Variants in TCF4 observed in about 807,000 individuals in gnomAD.
The protein encoded by TCF4 is SL3-3 enhancer factor 2.
Under a neutral mutation model 82.1 loss-of-function variants are expected in TCF4, and 3 were observed. The ratio of observed to expected loss-of-function variants is 0.04; its 90% CI spans 0.02 to 0.09. The LOEUF is 0.09. Ranked by LOEUF, TCF4 falls within the 10% of genes least tolerant of loss-of-function variation. The pLI, the probability that TCF4 is intolerant of heterozygous loss-of-function variation, is 1.00. For synonymous variants in TCF4, 276 were observed against 309.6 expected (o/e 0.89, Z 1.14); for missense variants, 518 against 852.7 (o/e 0.61, Z 4.89).
At chr18:55,580,420 C>T (rs2097564712) in intron 3 of TCF4, among the ~76,000 whole-genome samples, 1 of 151,946 alleles carries the variant, frequency 6.6e-6, no homozygotes, top group African/African-American at 2.4e-5. Flanking sequence ...TACATAAAAA[C>T]ATGTTTTCAT....
chr18:55,249,138 G>C (rs1286510943), intron 15 of TCF4, among the ~76,000 whole-genome samples: 1 of 152,100 alleles, frequency 6.6e-6, no homozygotes, highest in Non-Finnish European at 1.5e-5. Flanking sequence ...GCAATGGGCT[G>C]ATTTCCAGGG....
chr18:55,531,244 A>G (rs2097059701), intron 3 of TCF4, among the ~76,000 whole-genome samples: 1 of 151,902 alleles, frequency 6.6e-6, no homozygotes. Context: ...ATGAGCCACC[A>G]CACCAGGCCT....
At chr18:55,524,539 G>A (rs931373941) in intron 3 of TCF4, among the ~76,000 whole-genome samples, 5 of 152,046 alleles carry the variant, frequency 3.3e-5, no homozygotes, top group African/African-American at 1.2e-4. Context: ...CATGATTATT[G>A]ATTAAGTAAT....
intron 6 of TCF4, among the ~76,000 whole-genome samples, chr18:55,386,750 T>C (rs1441501831): frequency 6.6e-6 from 1 of 152,232 alleles, no homozygotes; most frequent in Non-Finnish European, 1.5e-5. Context: ...GAGTGCTGGC[T>C]ACTCTGCTAT....
chr18:55,619,159 GTTTT>G (rs886859280), intron 2 of TCF4, among the ~76,000 whole-genome samples: 1 of 151,890 alleles, frequency 6.6e-6, no homozygotes, highest in Non-Finnish European at 1.5e-5. Context: ...TTGTTTGTTT[GTTTT>G]GGTGGTGAGA....
intron 8 of TCF4, among the ~76,000 whole-genome samples, chr18:55,344,210 T>G (rs1011952499): frequency 1.3e-5 from 2 of 152,124 alleles, no homozygotes; most frequent in African/African-American, 4.8e-5. Context: ...ATGCAGAAAT[T>G]GTCAGTGATC....
At chr18:55,595,074 C>T (rs2097689511) in intron 2 of TCF4, among the ~76,000 whole-genome samples, 1 of 152,180 alleles carries the variant, frequency 6.6e-6, no homozygotes, top group Admixed American at 6.5e-5. Flanking sequence ...ATGACAAAAC[C>T]CTTAAAATAG....
At position 55,461,940 on chromosome 18, in the gene TCF4, A is replaced by T. The variant is rs753720255; in HGVS notation, c.208-825T>A. Among the ~76,000 whole-genome samples, 74 of 152,160 alleles carry T rather than the reference A, an allele frequency of 4.9e-4. 1 individual carries two copies. The highest frequency in any genetic ancestry group is 2.5e-4 in the Non-Finnish European group (17 of 68,016). On this transcript the variant is annotated intron_variant, in intron 4 of 19. Coordinates refer to ENST00000354452, the MANE Select transcript of TCF4 (RefSeq NM_001083962.2). ...AAAATCATCTATACTACATGGTTCAACTTTCAGTCTACTAAAGTGCATAAA... is the reference window on the plus strand; with the variant it reads ...AAAATCATCTATACTACATGGTTCATCTTTCAGTCTACTAAAGTGCATAAA...
chr18:55,599,085 C>T (rs1035847486), intron 2 of TCF4, among the ~76,000 whole-genome samples: 2 of 152,202 alleles, frequency 1.3e-5, no homozygotes, highest in Admixed American at 6.5e-5. Flanking sequence ...GTTGCTGAGA[C>T]TCAAATCTAT....
chr18:55,236,970 T>C (rs1382550142), intron 15 of TCF4, among the ~76,000 whole-genome samples: 1 of 152,236 alleles, frequency 6.6e-6, no homozygotes, highest in Admixed American at 6.5e-5. Context: ...ATCTGTGACA[T>C]AACTTAAGAG....
At chr18:55,524,372 A>G (rs759776554) in intron 3 of TCF4, among the ~76,000 whole-genome samples, 1 of 152,144 alleles carries the variant, frequency 6.6e-6, no homozygotes, top group Non-Finnish European at 1.5e-5. Context: ...TAAAAAAAAA[A>G]CTATGAGTTA....
intron 8 of TCF4, chr18:55,332,052 T>C (rs2077669420): frequency 6.6e-6 from 1 of 152,208 alleles, no homozygotes; most frequent in Admixed American, 6.5e-5. Context: ...TTATTATGTG[T>C]GATGCAGACT....
chr18:55,271,167 T>C (rs2060278590), intron 10 of TCF4, among the ~76,000 whole-genome samples: 1 of 152,036 alleles, frequency 6.6e-6, no homozygotes, highest in Admixed American at 6.6e-5. Context: ...TCTTGAAGAG[T>C]CCCTGACTAC....
chr18:55,457,269 A>C (rs2095779752), intron 5 of TCF4, among the ~76,000 whole-genome samples: 1 of 152,230 alleles, frequency 6.6e-6, no homozygotes, highest in Non-Finnish European at 1.5e-5. Flanking sequence ...TATGACAACT[A>C]TAACCACAGA....
At chr18:55,396,697 C>A (rs1315392346) in intron 6 of TCF4, among the ~76,000 whole-genome samples, 1 of 152,164 alleles carries the variant, frequency 6.6e-6, no homozygotes, top group African/African-American at 2.4e-5. Flanking sequence ...ACAATTACCT[C>A]CCTCCTCTTA....
At position 55,513,885 on chromosome 18, in the gene TCF4, C is replaced by T. The variant is rs868173418; in HGVS notation, c.146-49748G>A. 1.1e-4 allele frequency among the ~76,000 whole-genome samples: 17 copies of T among 152,224 alleles called. No individual in the cohort carries two copies. The South Asian group carries it at 3.5e-3, about 32-fold the overall frequency. ...ATACATATGCATTAAAGTTTGAGGC[C>T]AGACAGCCAGCATATACTGGTAGTC... On this transcript the variant is annotated intron_variant, in intron 3 of 19. Transcript: ENST00000354452.
rs372979696 is a variant in TCF4 at position 55,559,285 on chromosome 18, T to C, written c.145+25995A>G. 2.0e-5 allele frequency among the ~76,000 whole-genome samples: 3 copies of C among 152,028 alleles called. No individual in the cohort carries two copies. The South Asian group carries it at 6.2e-4, about 32-fold the overall frequency. ...TTAAGACTGCTATTATTCAGCTTGA[T>C]CTATGATATAATGGAGCAGAACAGA... On this transcript the variant is annotated intron_variant, in intron 3 of 19. Transcript: ENST00000354452.
chr18:55,549,876 G>C (rs1279087321), intron 3 of TCF4, among the ~76,000 whole-genome samples: 2 of 152,140 alleles, frequency 1.3e-5, no homozygotes, highest in Admixed American at 1.3e-4. Flanking sequence ...TGCAGTGCAT[G>C]GCCTTATTAG....
At chr18:55,635,365 C>T (rs764352296) in intron 1 of TCF4, among the ~76,000 whole-genome samples, 10 of 151,972 alleles carry the variant, frequency 6.6e-5, no homozygotes, top group South Asian at 2.1e-4. Context: ...AGAAGTTAGC[C>T]GGGCATTGTG....
Sources: allele counts gnomAD v4.1 joint callset (sites outside exome capture counted in the v4.1 genomes callset), GRCh38; gene constraint gnomAD v4.1.1; transcripts MANE v1.5; gene names NCBI Gene and HGNC (gene_info 2026-07-23, HGNC 2026-07-21).